Variants in KDM4B observed in about 807,000 individuals in gnomAD.
The protein encoded by KDM4B is lysine demethylase 4B.
In KDM4B, 32 loss-of-function variants were observed where a neutral mutation model predicts 125.2. The ratio of observed to expected loss-of-function variants is 0.26; its 90% CI spans 0.19 to 0.34. KDM4B has a LOEUF of 0.34. Among genes scored for constraint, KDM4B ranks in the 10% least tolerant of loss-of-function variants. The pLI is 1.00. For missense variants in KDM4B, 1,190 were observed against 1,577.7 expected (o/e 0.75, Z 4.16); for synonymous variants, 721 against 677.9 (o/e 1.06, Z -0.99).
At chr19:5,057,031 T>TGTGA (rs2037424950) in intron 6 of KDM4B, among the ~76,000 whole-genome samples, 1 of 51,904 alleles carries the variant, frequency 1.9e-5, no homozygotes, top group African/African-American at 5.5e-5. Flanking sequence ...TATATATGCG[T>TGTGA]GTGTGTGTGT....
chr19:4,984,272 T>C (rs1006867527), intron 1 of KDM4B, among the ~76,000 whole-genome samples: 7 of 152,228 alleles, frequency 4.6e-5, no homozygotes, highest in African/African-American at 2.4e-5. Context: ...GTTTCTGCTC[T>C]TGACTGTGAA....
intron 3 of KDM4B, among the ~76,000 whole-genome samples, chr19:5,038,016 A>G (rs368673364): frequency 4.6e-5 from 7 of 152,382 alleles, no homozygotes; most frequent in African/African-American, 1.4e-4. Context: ...AATGGATTTT[A>G]GCCGTTCTGG....
intron 1 of KDM4B, among the ~76,000 whole-genome samples, chr19:4,994,020 GTT>G (rs55641886): frequency 0.054 from 3,593 of 66,702 alleles, 55 homozygotes; most frequent in Admixed American, 0.081. Flanking sequence ...TTTTCAGCCT[GTT>G]TTTTTTTTTT....
chr19:5,117,563 T>C (rs2039281081), intron 10 of KDM4B, among the ~76,000 whole-genome samples: 1 of 152,138 alleles, frequency 6.6e-6, no homozygotes, highest in South Asian at 2.1e-4. Context: ...TGAAGCTTCC[T>C]CCTCCTGAGC....
intron 1 of KDM4B, 95 bp from the exon 2 acceptor site, chr19:5,016,162 C>T (rs2035886680): frequency 6.6e-6 from 1 of 152,214 alleles, no homozygotes; most frequent in South Asian, 2.1e-4. Flanking sequence ...GGCAAGCGTC[C>T]TCGGGCTGCG....
intron 9 of KDM4B, among the ~76,000 whole-genome samples, chr19:5,106,757 C>T (rs1458451093): frequency 2.0e-5 from 3 of 152,140 alleles, no homozygotes; most frequent in Non-Finnish European, 4.4e-5. Context: ...TCTGGGGCAC[C>T]AAGAGGGGGG....
chr19:4,969,757 G>C (rs1445464716), intron 1 of KDM4B, among the ~76,000 whole-genome samples: 1 of 150,694 alleles, frequency 6.6e-6, no homozygotes, highest in African/African-American at 2.4e-5. Flanking sequence ...ACCCAGGGAT[G>C]CCCCCTAAAT....
intron 3 of KDM4B, among the ~76,000 whole-genome samples, chr19:5,036,613 A>C (rs2036634029): frequency 2.0e-5 from 3 of 152,030 alleles, no homozygotes; most frequent in African/African-American, 7.2e-5. Context: ...TCTGCCTCTC[A>C]CTGTTGGCAT....
intron 1 of KDM4B, among the ~76,000 whole-genome samples, chr19:4,992,988 T>C (rs540235663): frequency 6.6e-6 from 1 of 152,350 alleles, no homozygotes; most frequent in African/African-American, 2.4e-5. Context: ...TGGACTAACA[T>C]ATGGTTTATC....
chr19:5,136,879 C>G (rs1331794589), intron 15 of KDM4B, among the ~76,000 whole-genome samples: 1 of 152,186 alleles, frequency 6.6e-6, no homozygotes, highest in African/African-American at 2.4e-5. Context: ...GTGAGTCTCC[C>G]TTGCGGCTTT....
intron 7 of KDM4B, 143 bp downstream of exon 7, chr19:5,071,202 CTG>C: frequency 1.4e-6 from 1 of 707,632 alleles, no homozygotes; most frequent in Non-Finnish European, 2.3e-6. Context: ...TGAGCCATTA[CTG>C]TGTGATTTTT....
At chr19:4,972,833 G>A (rs2034307801) in intron 1 of KDM4B, among the ~76,000 whole-genome samples, 1 of 152,188 alleles carries the variant, frequency 6.6e-6, no homozygotes, top group Non-Finnish European at 1.5e-5. Flanking sequence ...GCCCTTCCAG[G>A]GTGGCAGCTT....
At chr19:5,046,090 A>C (rs1301829672) in intron 5 of KDM4B, among the ~76,000 whole-genome samples, 1 of 152,172 alleles carries the variant, frequency 6.6e-6, no homozygotes, top group African/African-American at 2.4e-5. Context: ...ACTCCAGTGC[A>C]TGAGAGCCTC....
chr19:5,009,992 A>G (rs2035679170), intron 1 of KDM4B, among the ~76,000 whole-genome samples: 2 of 152,158 alleles, frequency 1.3e-5, no homozygotes, highest in Non-Finnish European at 2.9e-5. Flanking sequence ...TTGGCCTCCC[A>G]AAGTGCTGGG....
At chr19:5,001,898 C>CT (rs1221839964) in intron 1 of KDM4B, among the ~76,000 whole-genome samples, 1 of 151,852 alleles carries the variant, frequency 6.6e-6, no homozygotes, top group African/African-American at 2.4e-5. Flanking sequence ...TTTTCACTTG[C>CT]TTTTTTCTAT....
intron 11 of KDM4B, among the ~76,000 whole-genome samples, chr19:5,130,785 G>A (rs1406246682): frequency 3.3e-5 from 5 of 152,236 alleles, no homozygotes; most frequent in Non-Finnish European, 5.9e-5. Context: ...CGTGACCCCA[G>A]AAGGCACATA....
intron 13 of KDM4B, among the ~76,000 whole-genome samples, chr19:5,132,272 T>C (rs1356989051): frequency 6.6e-6 from 1 of 152,080 alleles, no homozygotes; most frequent in Non-Finnish European, 1.5e-5. Context: ...CTGGGGAGCT[T>C]GTACCTCCCC....
intron 1 of KDM4B, among the ~76,000 whole-genome samples, chr19:4,993,174 C>T (rs1394182424): frequency 1.3e-5 from 2 of 152,190 alleles, no homozygotes; most frequent in East Asian, 1.9e-4. Context: ...CTTTGGGAGG[C>T]CGAGGTGAGT....
chr19:4,999,724 C>A (rs979294173), intron 1 of KDM4B, among the ~76,000 whole-genome samples: 2 of 148,314 alleles, frequency 1.3e-5, no homozygotes, highest in Admixed American at 1.3e-4. Flanking sequence ...CACCTGTCCA[C>A]CCACCCACCC....
Sources: allele counts gnomAD v4.1 joint callset (sites outside exome capture counted in the v4.1 genomes callset), GRCh38; gene constraint gnomAD v4.1.1; transcripts MANE v1.5; gene names NCBI Gene and HGNC (gene_info 2026-07-23, HGNC 2026-07-21).